LHFPL2: variants seen among roughly 807,000 people sequenced by gnomAD.
LHFPL2 encodes LHFPL tetraspan subfamily member 2.
In LHFPL2, 7 loss-of-function variants were observed where a neutral mutation model predicts 17.5. The observed-to-expected ratio is 0.40, with a 90% CI of 0.23 to 0.75. The LOEUF is 0.75. LHFPL2 is among the 30% of genes least tolerant of loss of function. The pLI, the probability that LHFPL2 is intolerant of heterozygous loss-of-function variation, is 0.37. For synonymous variants in LHFPL2, 134 were observed against 116.2 expected (o/e 1.15, Z -0.99); for missense variants, 241 against 294.8 (o/e 0.82, Z 1.34).
chr5:78,489,201 A>T, intron 4 of LHFPL2, 48 bp from the exon 5 acceptor site: 1 of 1,604,574 alleles, frequency 6.2e-7, no homozygotes, highest in African/African-American at 1.3e-5. Context: ...ATGGTGCTAC[A>T]ACTGTCCAGA....
intron 2 of LHFPL2, among the ~76,000 whole-genome samples, chr5:78,600,860 A>G (rs1186046529): frequency 6.6e-5 from 10 of 152,244 alleles, no homozygotes; most frequent in Non-Finnish European, 1.5e-4. Flanking sequence ...TGGCTGAGAA[A>G]ACACTTTCCA....
intron 1 of LHFPL2, among the ~76,000 whole-genome samples, chr5:78,635,612 C>A (rs375729511): frequency 6.6e-6 from 1 of 152,184 alleles, no homozygotes; most frequent in East Asian, 1.9e-4. Flanking sequence ...ACCATCCTGG[C>A]TAACACGGTG....
intron 2 of LHFPL2, among the ~76,000 whole-genome samples, chr5:78,589,472 A>G (rs1268342908): frequency 6.6e-6 from 1 of 151,784 alleles, no homozygotes; most frequent in Non-Finnish European, 1.5e-5. Flanking sequence ...CATCTCAAAA[A>G]AAAAAAAAAA....
intron 3 of LHFPL2, among the ~76,000 whole-genome samples, chr5:78,538,250 G>C (rs753686567): frequency 8.5e-5 from 13 of 152,120 alleles, no homozygotes; most frequent in Non-Finnish European, 1.5e-4. Flanking sequence ...TTATTCTGGG[G>C]GTTCCAACGT....
At chr5:78,511,043 T>C (rs1755104949) in intron 3 of LHFPL2, among the ~76,000 whole-genome samples, 1 of 152,172 alleles carries the variant, frequency 6.6e-6, no homozygotes, top group African/African-American at 2.4e-5. Context: ...ACCTATACTT[T>C]ATCCATTTTT....
At chr5:78,627,241 C>T (rs1020492029) in intron 2 of LHFPL2, among the ~76,000 whole-genome samples, 2 of 152,176 alleles carry the variant, frequency 1.3e-5, no homozygotes, top group African/African-American at 4.8e-5. Flanking sequence ...CCTGACGAGG[C>T]AGTGGATGCC....
At chr5:78,495,208 ACT>A (rs1561304390) in intron 4 of LHFPL2, among the ~76,000 whole-genome samples, 2 of 152,130 alleles carry the variant, frequency 1.3e-5, no homozygotes, top group African/African-American at 4.8e-5. Flanking sequence ...GGAGGAGCCA[ACT>A]CTGAACCACA....
Position 78,510,159 on chromosome 5 carries a change from C to CA in LHFPL2, c.54dup (p.Val19CysfsTer193). 1 of 1,611,766 alleles carries CA rather than the reference C, an allele frequency of 6.2e-7. No homozygotes were observed. ...GCAATGAGCTCGGCAAAAGCCACCA[C>CA]AATACTCAGCAAGGTCCAGAGCATC... On this transcript the variant is annotated frameshift_variant, in exon 4 of 5. Transcript: ENST00000380345. LOFTEE classifies it high-confidence loss of function.
At chr5:78,630,811 G>A (rs1745216040) in intron 2 of LHFPL2, among the ~76,000 whole-genome samples, 1 of 152,220 alleles carries the variant, frequency 6.6e-6, no homozygotes, top group Non-Finnish European at 1.5e-5. Context: ...CGCAAAAGCA[G>A]AATAAGGCGG....
At chr5:78,563,600 C>G (rs949969844) in intron 3 of LHFPL2, among the ~76,000 whole-genome samples, 2 of 151,402 alleles carry the variant, frequency 1.3e-5, no homozygotes, top group East Asian at 1.9e-4. Context: ...ACTCAGGAGG[C>G]TGAGCCAGGA....
intron 4 of LHFPL2, among the ~76,000 whole-genome samples, chr5:78,496,565 G>A (rs527441126): frequency 6.6e-6 from 1 of 152,348 alleles, no homozygotes; most frequent in Admixed American, 6.5e-5. Flanking sequence ...CCCAGCCCTT[G>A]TTGACCCAGC....
intron 3 of LHFPL2, among the ~76,000 whole-genome samples, chr5:78,540,120 A>T (rs1263899352): frequency 6.6e-6 from 1 of 152,228 alleles, no homozygotes; most frequent in African/African-American, 2.4e-5. Context: ...CTTTTTTTGC[A>T]CTAGCAAAGT....
chr5:78,510,298 C>T lies in LHFPL2; in HGVS notation c.-85G>A. ...TCGGTGGGGAAGGAGGCTCGGGCGG[C>T]CCGGGAAGGAAGTCGCAGCTGCAGT... On this transcript the variant is annotated 5_prime_UTR_variant, in exon 4 of 5. Transcript: ENST00000380345. 7.4e-7 allele frequency: 1 copy of T among 1,346,944 alleles called. No individual in the cohort carries two copies. The highest frequency in any genetic ancestry group is 1.0e-6 in the Non-Finnish European group (1 of 999,914). The allele number at this position is 1,346,944 out of a possible 1,614,324, so 83.4% of individuals were successfully genotyped here. A position where few individuals can be genotyped will look rare whatever the true frequency, so the allele number is the denominator to read the frequency against.
chr5:78,510,300 C>A lies in LHFPL2; in HGVS notation c.-87G>T. 7.5e-7 allele frequency: 1 copy of A among 1,334,328 alleles called. No homozygotes were observed. Among genetic ancestry groups the A allele is most frequent in the Non-Finnish European group, 1.0e-6 (1 of 989,212 alleles). 82.7% of individuals were successfully genotyped at this position (1,334,328 alleles called of 1,614,324 possible). A position where few individuals can be genotyped will look rare whatever the true frequency, so the allele number is the denominator to read the frequency against. ...GGTGGGGAAGGAGGCTCGGGCGGCCCGGGAAGGAAGTCGCAGCTGCAGTCA... is the reference window on the plus strand; with the variant it reads ...GGTGGGGAAGGAGGCTCGGGCGGCCAGGGAAGGAAGTCGCAGCTGCAGTCA... On this transcript the variant is annotated 5_prime_UTR_variant, in exon 4 of 5. Transcript: ENST00000380345.
chr5:78,634,489 G>A (rs574224655), intron 1 of LHFPL2, among the ~76,000 whole-genome samples: 4 of 152,234 alleles, frequency 2.6e-5, no homozygotes, highest in African/African-American at 9.6e-5. Context: ...ACCTGCCCCT[G>A]TGCCTATGGT....
At chr5:78,508,805 AGAGTC>A (rs1755014101) in intron 4 of LHFPL2, among the ~76,000 whole-genome samples, 1 of 152,232 alleles carries the variant, frequency 6.6e-6, no homozygotes, top group African/African-American at 2.4e-5. Context: ...TTGTCCTGTT[AGAGTC>A]TAGATTAATG....
intron 2 of LHFPL2, among the ~76,000 whole-genome samples, chr5:78,616,932 T>C (rs1744638035): frequency 1.3e-5 from 2 of 152,238 alleles, no homozygotes; most frequent in Non-Finnish European, 2.9e-5. Flanking sequence ...AAGCAAACCC[T>C]AGCTTCTGGA....
chr5:78,631,397 T>C (rs925989107), intron 2 of LHFPL2, among the ~76,000 whole-genome samples: 1 of 152,192 alleles, frequency 6.6e-6, no homozygotes, highest in Non-Finnish European at 1.5e-5. Context: ...TAACTTACGC[T>C]ACTTGGGATG....
At chr5:78,547,301 A>G (rs1425713275) in intron 3 of LHFPL2, among the ~76,000 whole-genome samples, 1 of 152,244 alleles carries the variant, frequency 6.6e-6, no homozygotes, top group Non-Finnish European at 1.5e-5. Flanking sequence ...TGTTCCCAAC[A>G]TGGCTGTGGG....
Sources: allele counts gnomAD v4.1 joint callset (sites outside exome capture counted in the v4.1 genomes callset), GRCh38; gene constraint gnomAD v4.1.1; transcripts MANE v1.5; gene names NCBI Gene and HGNC (gene_info 2026-07-23, HGNC 2026-07-21).